Variants in GLCCI1 observed in about 807,000 individuals in gnomAD.
GLCCI1 encodes the protein glucocorticoid induced 1.
GLCCI1 carries 24 observed loss-of-function variants against 52.2 expected under a neutral mutation model. The ratio of observed to expected loss-of-function variants is 0.46; its 90% CI spans 0.33 to 0.65. GLCCI1 has a LOEUF of 0.65. Ranked by LOEUF, GLCCI1 falls within the 30% of genes least tolerant of loss-of-function variation. GLCCI1 has a pLI of 0.02. For synonymous variants in GLCCI1, 310 were observed against 276.5 expected (o/e 1.12, Z -1.20); for missense variants, 704 against 701.5 (o/e 1.00, Z -0.04).
intron 3 of GLCCI1, among the ~76,000 whole-genome samples, chr7:8,032,617 T>A (rs1781779387): frequency 6.6e-6 from 1 of 152,008 alleles, no homozygotes; most frequent in Non-Finnish European, 1.5e-5. Flanking sequence ...TGAACAACTT[T>A]ATGCCATCAA....
intron 6 of GLCCI1, among the ~76,000 whole-genome samples, chr7:8,083,179 A>T (rs558030796): frequency 6.6e-6 from 1 of 152,076 alleles, no homozygotes; most frequent in African/African-American, 2.4e-5. Flanking sequence ...GGTACATGAG[A>T]TGTTTTGATA....
In GLCCI1 at chr7:8,078,023, A is replaced by G. The variant is rs772402499; in HGVS notation, c.1178-6874A>G. On this transcript the variant is annotated intron_variant, in intron 6 of 7. Coordinates refer to ENST00000223145, the MANE Select transcript of GLCCI1 (RefSeq NM_138426.4). ...GCCAAGGCAGGCGGATAACGAGGTC[A>G]GGAAATCGAGACCATCCTGGCTAAC... Among the ~76,000 whole-genome samples, 211 of 152,076 alleles carry G rather than the reference A, an allele frequency of 1.4e-3. 3 individuals are homozygous for G. Among genetic ancestry groups the G allele is most frequent in the Admixed American group, 2.1e-3 (32 of 15,282 alleles).
chr7:8,007,331 T>C (rs1244098007), intron 2 of GLCCI1, among the ~76,000 whole-genome samples: 1 of 152,238 alleles, frequency 6.6e-6, no homozygotes, highest in Non-Finnish European at 1.5e-5. Context: ...TTATGTAATA[T>C]GTACTACGTA....
chr7:8,005,004 G>C (rs901297555), intron 2 of GLCCI1, among the ~76,000 whole-genome samples: 1 of 152,152 alleles, frequency 6.6e-6, no homozygotes, highest in Non-Finnish European at 1.5e-5. Context: ...TTTATCATCT[G>C]TCTCATCAGT....
At chr7:8,079,154 G>A (rs1782937637) in intron 6 of GLCCI1, among the ~76,000 whole-genome samples, 1 of 152,008 alleles carries the variant, frequency 6.6e-6, no homozygotes, top group African/African-American at 2.4e-5. Flanking sequence ...AAGATAAAAG[G>A]TAAATATGTA....
chr7:7,998,051 T>C (rs1188232414), intron 1 of GLCCI1, among the ~76,000 whole-genome samples: 2 of 151,930 alleles, frequency 1.3e-5, no homozygotes, highest in Non-Finnish European at 2.9e-5. Flanking sequence ...GAAATTAAAT[T>C]ATTAAAATCT....
chr7:7,998,878 A>C lies in GLCCI1; in HGVS notation c.458-5030A>C, dbSNP rs376435366. On this transcript the variant is annotated intron_variant, in intron 1 of 7. Coordinates refer to ENST00000223145, the MANE Select transcript of GLCCI1 (RefSeq NM_138426.4). ...TTTAATGTCTCTAAATAGGTTGTTGAATAGGTTGTTGCCCCCCAAAATTTA... is the reference window on the plus strand; with the variant it reads ...TTTAATGTCTCTAAATAGGTTGTTGCATAGGTTGTTGCCCCCCAAAATTTA... 7.2e-5 allele frequency among the ~76,000 whole-genome samples: 11 copies of C among 152,282 alleles called. No homozygotes were observed. The East Asian group carries it at 1.9e-3, about 27-fold the overall frequency.
In GLCCI1 at chr7:7,981,879, T is replaced by G. The variant is rs1583943598; in HGVS notation, c.457+12072T>G. 6.6e-6 allele frequency: 3 copies of G among 457,908 alleles called. No individual in the cohort carries two copies. The East Asian group carries it at 1.9e-4, about 30-fold the overall frequency. 28.4% of individuals were successfully genotyped at this position (457,908 alleles called of 1,614,324 possible). A position where few individuals can be genotyped will look rare whatever the true frequency, so the allele number is the denominator to read the frequency against. On this transcript the variant is annotated intron_variant, in intron 1 of 7. Transcript: ENST00000223145. The stretch of plus-strand genomic sequence containing the variant: ...AGATGAGCAGGCAGAAGACTCCAAG[T>G]CAAGTCACTCACACACAAGTAAAAA...
intron 1 of GLCCI1, among the ~76,000 whole-genome samples, chr7:8,001,371 C>G (rs969263219): frequency 4.6e-5 from 7 of 152,222 alleles, no homozygotes; most frequent in African/African-American, 1.7e-4. Flanking sequence ...TCGGCCCCCA[C>G]TCTCTTCTGG....
intron 3 of GLCCI1, among the ~76,000 whole-genome samples, chr7:8,046,554 T>TA (rs1782132399): frequency 6.6e-6 from 1 of 152,232 alleles, no homozygotes; most frequent in African/African-American, 2.4e-5. Flanking sequence ...CATAACTTCT[T>TA]ATCGGAATTC....
At chr7:8,036,358 G>C (rs151053283) in intron 3 of GLCCI1, among the ~76,000 whole-genome samples, 1,710 of 152,090 alleles carry the variant, frequency 0.011, 31 homozygotes, top group Middle Eastern at 0.045. Context: ...AAGCCAAAAG[G>C]CCATACACAA....
At chr7:7,974,177 A>AT (rs1780418026) in intron 1 of GLCCI1, among the ~76,000 whole-genome samples, 2 of 152,068 alleles carry the variant, frequency 1.3e-5, no homozygotes, top group Non-Finnish European at 2.9e-5. Context: ...TTACAGAACT[A>AT]TTTTTTTCCA....
chr7:8,021,973 A>G (rs554716656), intron 2 of GLCCI1, among the ~76,000 whole-genome samples: 9 of 152,158 alleles, frequency 5.9e-5, no homozygotes, highest in African/African-American at 1.2e-4. Flanking sequence ...TGTGTTTTAT[A>G]TAAAGATGCC....
intron 5 of GLCCI1, among the ~76,000 whole-genome samples, chr7:8,069,278 C>T (rs1028208938): frequency 1.8e-4 from 28 of 152,120 alleles, no homozygotes; most frequent in African/African-American, 6.3e-4. Flanking sequence ...AGGACAGCTG[C>T]GTTGTGGGCT....
At chr7:8,011,494 A>G (rs1016068094) in intron 2 of GLCCI1, among the ~76,000 whole-genome samples, 2 of 152,278 alleles carry the variant, frequency 1.3e-5, no homozygotes, top group Admixed American at 1.3e-4. Flanking sequence ...TTTAAAGCAG[A>G]ATAATATTCC....
In GLCCI1 at chr7:7,969,363, T is replaced by G. The variant is rs776980379; in HGVS notation, c.13T>G (p.Ser5Ala). 1.6e-5 allele frequency: 21 copies of G among 1,321,204 alleles called. No individual in the cohort carries two copies. The highest frequency in any genetic ancestry group is 2.4e-4 in the Middle Eastern group (1 of 4,206). 81.8% of individuals were successfully genotyped at this position (1,321,204 alleles called of 1,614,324 possible). The change falls in exon 1 of 8, where the codon TCC becomes GCC. Residue 5 changes from serine (S) to alanine (A), a missense_variant. Physicochemically the swap from Ser to Ala is moderately conservative, Grantham distance 99 (BLOSUM62 1). Transcript: ENST00000223145. The surrounding 1 kb of genome is among the most constrained non-coding windows in gnomAD (Gnocchi z 4.9). ...CCGCAGAGCCACCATGTCCACTGCCTCCTCCTCCTCCTCCTCCAGTTCCTC... is the reference window on the plus strand; with the variant it reads ...CCGCAGAGCCACCATGTCCACTGCCGCCTCCTCCTCCTCCTCCAGTTCCTC... Reference protein sequence around the residue: MSTASSSSSSSSSQT... With the variant: MSTAASSSSSSSSQT...
chr7:7,991,303 G>A (rs547145969), intron 1 of GLCCI1, among the ~76,000 whole-genome samples: 3 of 152,136 alleles, frequency 2.0e-5, no homozygotes, highest in East Asian at 3.9e-4. Context: ...CTACTTTTCA[G>A]TTTAGATATC....
At chr7:7,992,356 C>T (rs371689510) in intron 1 of GLCCI1, among the ~76,000 whole-genome samples, 1 of 151,984 alleles carries the variant, frequency 6.6e-6, no homozygotes, top group East Asian at 1.9e-4. Context: ...CAATGACTCA[C>T]ACCTTCCACC....
intron 1 of GLCCI1, among the ~76,000 whole-genome samples, chr7:7,984,453 G>C (rs1780681304): frequency 6.6e-6 from 1 of 152,062 alleles, no homozygotes. Flanking sequence ...CCCTCCTAAA[G>C]ACTGTGGTAA....
Sources: allele counts gnomAD v4.1 joint callset (sites outside exome capture counted in the v4.1 genomes callset), GRCh38; gene constraint gnomAD v4.1.1; non-coding constraint Gnocchi (gnomAD v3.1); transcripts MANE v1.5; gene names NCBI Gene and HGNC (gene_info 2026-07-23, HGNC 2026-07-21).